The following FOXJ3 variants were observed in gnomAD, a reference collection of about 807,000 sequenced individuals.
The protein encoded by FOXJ3 is forkhead box J3, also known as forkhead box protein J3.
FOXJ3 carries 22 observed loss-of-function variants against 76.1 expected under a neutral mutation model. The observed-to-expected ratio is 0.29, with a 90% CI of 0.21 to 0.41. FOXJ3 has a LOEUF of 0.41. FOXJ3 is among the 10% of genes least tolerant of loss of function. The pLI, the probability that FOXJ3 is intolerant of heterozygous loss-of-function variation, is 1.00. For synonymous variants in FOXJ3, 269 were observed against 261.2 expected, an observed-to-expected ratio of 1.03 and a Z score of -0.29; for missense variants, 613 against 762.1, an observed-to-expected ratio of 0.80 and a Z score of 2.30.
chr1:42,243,777 TCAAA>T (rs1335396049), intron 4 of FOXJ3, among the ~76,000 whole-genome samples: 3 of 151,940 alleles, frequency 2.0e-5, no homozygotes, highest in East Asian at 1.9e-4. Flanking sequence ...ATAACAAGTA[TCAAA>T]CAAAGAAACA....
chr1:42,222,222 C>A (rs975395986), intron 5 of FOXJ3, among the ~76,000 whole-genome samples: 3 of 151,876 alleles, frequency 2.0e-5, no homozygotes, highest in African/African-American at 7.3e-5. Context: ...CAGTTTTTCA[C>A]CTTCCAAATC....
chr1:42,308,184 T>G (rs1423154161), intron 2 of FOXJ3, among the ~76,000 whole-genome samples: 1 of 152,230 alleles, frequency 6.6e-6, no homozygotes, highest in African/African-American at 2.4e-5. Flanking sequence ...ATTTGCTTCC[T>G]GTCTTGAGGT....
chr1:42,309,003 A>G lies in FOXJ3; in HGVS notation c.44+2047T>C, dbSNP rs1235478088. Among the ~76,000 whole-genome samples, 5 of 148,832 alleles carry G rather than the reference A, an allele frequency of 3.4e-5. No homozygotes were observed. In the East Asian group the frequency reaches 9.8e-4, roughly 29 times the overall value. On this transcript the variant is annotated intron_variant, in intron 2 of 12. Coordinates refer to ENST00000361346, the MANE Select transcript of FOXJ3 (RefSeq NM_014947.5). ...AAGAAATAACAACAGTCGTTTTACAAAAAAAAAAAAAAAAATGCTTTTCTA... is the reference window on the plus strand; with the variant it reads ...AAGAAATAACAACAGTCGTTTTACAGAAAAAAAAAAAAAAATGCTTTTCTA...
rs763584283 is a variant in FOXJ3, at chr1:42,185,336, C to T, written c.1646-3312G>A. ...GTGGTGGCGCGATCTTGGCTCACTG[C>T]AAGCTCTGCCTCCCTGGTTCATGCC... On this transcript the variant is annotated intron_variant, in intron 11 of 12. Transcript: ENST00000361346. Among the ~76,000 whole-genome samples the T allele has an allele frequency of 1.8e-4, 27 of 147,994 alleles. 1 individual carries two copies. The highest frequency in any genetic ancestry group is 6.4e-4 in the South Asian group (3 of 4,670).
chr1:42,276,975 C>T (rs774984445), intron 3 of FOXJ3, among the ~76,000 whole-genome samples: 8 of 152,118 alleles, frequency 5.3e-5, no homozygotes, highest in Non-Finnish European at 8.8e-5. Context: ...CCTCTCAACG[C>T]GCTGAGATTA....
At chr1:42,254,063 A>T (rs1650357688) in intron 4 of FOXJ3, among the ~76,000 whole-genome samples, 1 of 152,010 alleles carries the variant, frequency 6.6e-6, no homozygotes. Context: ...CAACCTACTC[A>T]TCTGACAAAG....
At chr1:42,307,801 T>G (rs1157977038) in intron 2 of FOXJ3, among the ~76,000 whole-genome samples, 1 of 152,200 alleles carries the variant, frequency 6.6e-6, no homozygotes, top group Admixed American at 6.5e-5. Flanking sequence ...TAATATCTAC[T>G]GGTATAAAAA....
chr1:42,224,372 G>C (rs900897728), intron 5 of FOXJ3, among the ~76,000 whole-genome samples: 1 of 149,168 alleles, frequency 6.7e-6, no homozygotes, highest in Non-Finnish European at 1.5e-5. Context: ...ACAGAACAGA[G>C]AGCACACACA....
At chr1:42,268,018 G>A (rs1051413053) in intron 3 of FOXJ3, among the ~76,000 whole-genome samples, 1 of 151,336 alleles carries the variant, frequency 6.6e-6, no homozygotes, top group South Asian at 2.1e-4. Context: ...CCCAGAAGGA[G>A]AAAAAAAAGG....
intron 4 of FOXJ3, among the ~76,000 whole-genome samples, chr1:42,238,055 C>T (rs1648838921): frequency 6.6e-6 from 1 of 151,772 alleles, no homozygotes; most frequent in Admixed American, 6.6e-5. Context: ...CTTTTTGAGA[C>T]GGGAGTCTCA....
chr1:42,310,741 C>T (rs144396999), intron 2 of FOXJ3, among the ~76,000 whole-genome samples: 84 of 152,262 alleles, frequency 5.5e-4, no homozygotes, highest in African/African-American at 1.9e-3. Flanking sequence ...TGAGCCACCG[C>T]GCCCAGCCCA....
At chr1:42,248,920 T>G (rs966003939) in intron 4 of FOXJ3, among the ~76,000 whole-genome samples, 6 of 151,998 alleles carry the variant, frequency 3.9e-5, no homozygotes, top group Non-Finnish European at 7.4e-5. Flanking sequence ...CGCAACCCAA[T>G]AGGCCCCGGT....
intron 4 of FOXJ3, among the ~76,000 whole-genome samples, chr1:42,249,503 A>G (rs1338080617): frequency 6.6e-6 from 1 of 152,244 alleles, no homozygotes; most frequent in Non-Finnish European, 1.5e-5. Context: ...CTGATCAAAA[A>G]TCAAAGTCTG....
At chr1:42,224,372 G>A (rs900897728) in intron 5 of FOXJ3, among the ~76,000 whole-genome samples, 2 of 149,168 alleles carry the variant, frequency 1.3e-5, no homozygotes, top group African/African-American at 2.5e-5. Flanking sequence ...ACAGAACAGA[G>A]AGCACACACA....
intron 4 of FOXJ3, among the ~76,000 whole-genome samples, chr1:42,236,131 C>A (rs532904895): frequency 6.6e-6 from 1 of 152,338 alleles, no homozygotes; most frequent in African/African-American, 2.4e-5. Context: ...CCACTAGACT[C>A]ATGTGGAGCA....
intron 12 of FOXJ3, among the ~76,000 whole-genome samples, chr1:42,180,466 C>A (rs569960254): frequency 4.5e-4 from 69 of 152,246 alleles, no homozygotes; most frequent in Non-Finnish European, 7.1e-4. Flanking sequence ...TTGACAGACC[C>A]CCCCCTTCTA....
intron 1 of FOXJ3, 124 bp from the exon 2 acceptor site, chr1:42,311,234 T>G: frequency 1.6e-6 from 1 of 629,278 alleles, no homozygotes; most frequent in Admixed American, 3.5e-5. Flanking sequence ...AGAATTCTAC[T>G]AAAAGAATCA....
chr1:42,205,857 T>A lies in FOXJ3; in HGVS notation c.535A>T (p.Thr179Ser). 1 of 1,593,720 alleles carries A rather than the reference T, an allele frequency of 6.3e-7. No homozygotes were observed. Among genetic ancestry groups the A allele is most frequent in the Non-Finnish European group, 8.6e-7 (1 of 1,163,696 alleles). Residue 179 changes from threonine to serine, a missense_variant, in exon 6 of 13, where the codon ACT (threonine) becomes TCT (serine). Around this residue, in one of 3 missense-constraint regions of FOXJ3, gnomAD observed 526 missense variants for 601.4 expected, o/e 0.87. Transcript: ENST00000361346. ...GAATCTGAATCTATGCTATATGGAG[T>A]TGAGGCCTAAAATACAAGAACAAAA... ...KRARSVERAS[T>S]PYSIDSDSLG...
intron 4 of FOXJ3, among the ~76,000 whole-genome samples, chr1:42,251,771 T>C (rs1004278435): frequency 7.2e-6 from 1 of 137,942 alleles, no homozygotes; most frequent in Admixed American, 8.0e-5. Context: ...CAGGCTGGAG[T>C]GCAGTGGCGC....
Sources: gnomAD v4.1 joint callset for allele counts (sites outside exome capture counted in the v4.1 genomes callset) on GRCh38, gnomAD v4.1.1 for gene constraint, gnomAD v4.1.1 regional missense constraint, MANE v1.5 for transcripts, NCBI Gene and HGNC (gene_info 2026-07-23, HGNC 2026-07-21) for gene names.